Variants in CDH13 observed in about 807,000 individuals in gnomAD.
CDH13 encodes cadherin-13.
A neutral mutation model predicts 63.8 loss-of-function variants in CDH13; 24 were observed. That is an observed-to-expected ratio of 0.38 (90% CI 0.27 to 0.53). The LOEUF is 0.53. Ranked by LOEUF, CDH13 falls within the 20% of genes least tolerant of loss-of-function variation. The pLI is 0.85. For synonymous variants in CDH13, 503 were observed against 355.3 expected (o/e 1.42, Z -4.67); for missense variants, 1,049 against 903.1 (o/e 1.16, Z -2.07).
intron 6 of CDH13, among the ~76,000 whole-genome samples, chr16:83,474,245 A>G (rs1177822261): frequency 6.6e-6 from 1 of 152,128 alleles, no homozygotes; most frequent in African/African-American, 2.4e-5. Context: ...CCTATATTTT[A>G]CCTGCATCTT....
chr16:83,134,337 C>T (rs1288772496), intron 4 of CDH13, among the ~76,000 whole-genome samples: 1 of 152,104 alleles, frequency 6.6e-6, no homozygotes, highest in African/African-American at 2.4e-5. Context: ...TTACAGGCGC[C>T]CGCCACCATG....
At chr16:82,865,623 T>C (rs998374633) in intron 2 of CDH13, among the ~76,000 whole-genome samples, 1 of 152,146 alleles carries the variant, frequency 6.6e-6, no homozygotes, top group Admixed American at 6.5e-5. Context: ...CATGAGACCA[T>C]TTTTTCCTCC....
chr16:83,471,204 A>G (rs549380650), intron 6 of CDH13, among the ~76,000 whole-genome samples: 154 of 151,408 alleles, frequency 1.0e-3, no homozygotes, highest in Non-Finnish European at 1.6e-3. Flanking sequence ...GTAAGATAAC[A>G]TGGTAAGATA....
At chr16:83,028,150 T>A (rs577276613) in intron 2 of CDH13, among the ~76,000 whole-genome samples, 1 of 152,214 alleles carries the variant, frequency 6.6e-6, no homozygotes, top group Non-Finnish European at 1.5e-5. Flanking sequence ...ATGCTGGCGA[T>A]TGAAGCAGTC....
chr16:83,696,089 C>G (rs1346820861), intron 10 of CDH13, among the ~76,000 whole-genome samples: 1 of 151,918 alleles, frequency 6.6e-6, no homozygotes, highest in African/African-American at 2.4e-5. Flanking sequence ...TGGGGTTTCG[C>G]CATGTTGCCC....
chr16:83,788,716 C>G (rs887661640), intron 13 of CDH13, among the ~76,000 whole-genome samples: 1 of 152,202 alleles, frequency 6.6e-6, no homozygotes, highest in Non-Finnish European at 1.5e-5. Context: ...CACAGGTACA[C>G]TAGCTGTGAA....
At chr16:82,724,416 C>G (rs1261635249) in intron 1 of CDH13, among the ~76,000 whole-genome samples, 1 of 152,084 alleles carries the variant, frequency 6.6e-6, no homozygotes, top group Non-Finnish European at 1.5e-5. Flanking sequence ...AATGACAGTC[C>G]TACAAGGCAG....
intron 2 of CDH13, among the ~76,000 whole-genome samples, chr16:82,926,297 G>GA (rs1173408129): frequency 2.2e-4 from 32 of 145,658 alleles, no homozygotes; most frequent in African/African-American, 7.0e-4. Flanking sequence ...AAAAAAAAAA[G>GA]AAAAAAAAAG....
At chr16:82,766,416 T>C (rs1459434716) in intron 1 of CDH13, among the ~76,000 whole-genome samples, 3 of 152,214 alleles carry the variant, frequency 2.0e-5, no homozygotes, top group Non-Finnish European at 2.9e-5. Context: ...TTGCCAAGGA[T>C]AACTGTAGAG....
rs188290861 is a variant in CDH13, at chr16:82,711,170, G to A, written c.45+84033G>A. Reference sequence around the variant, plus strand: ...AAAGGGCCGCGTGGCAGTGACCGCAGTGTGGAGGTTCTAATAATGACTATG... The same window carrying A: ...AAAGGGCCGCGTGGCAGTGACCGCAATGTGGAGGTTCTAATAATGACTATG... On this transcript the variant is annotated intron_variant, in intron 1 of 13. Transcript: ENST00000567109. Among the ~76,000 whole-genome samples the A allele has an allele frequency of 1.6e-3, 239 of 152,274 alleles. 1 individual carries two copies. Among genetic ancestry groups the A allele is most frequent in the African/African-American group, 5.4e-3 (223 of 41,558 alleles).
chr16:82,882,548 A>C (rs1238068716), intron 2 of CDH13, among the ~76,000 whole-genome samples: 1 of 152,098 alleles, frequency 6.6e-6, no homozygotes, highest in Non-Finnish European at 1.5e-5. Context: ...GTGTTCCTTC[A>C]TTTCTTAACC....
intron 8 of CDH13, among the ~76,000 whole-genome samples, chr16:83,644,662 G>A (rs1194417156): frequency 6.6e-6 from 1 of 152,206 alleles, no homozygotes; most frequent in East Asian, 1.9e-4. Flanking sequence ...CCATACAGAG[G>A]ATGAGGTTCA....
At chr16:82,837,846 G>A (rs990774085) in intron 1 of CDH13, among the ~76,000 whole-genome samples, 2 of 152,180 alleles carry the variant, frequency 1.3e-5, no homozygotes, top group Non-Finnish European at 2.9e-5. Context: ...GAGGCACTTG[G>A]AGCCACTCTT....
intron 2 of CDH13, among the ~76,000 whole-genome samples, chr16:83,023,385 A>G (rs901833154): frequency 6.6e-6 from 1 of 152,078 alleles, no homozygotes; most frequent in African/African-American, 2.4e-5. Flanking sequence ...ATAAATCTCC[A>G]TGTACAGTAT....
At chr16:82,697,930 G>A (rs1449439066) in intron 1 of CDH13, among the ~76,000 whole-genome samples, 1 of 152,144 alleles carries the variant, frequency 6.6e-6, no homozygotes, top group Non-Finnish European at 1.5e-5. Context: ...TGGTGAGGAG[G>A]AAACAAAGAC....
chr16:83,563,470 A>G (rs2075742453), intron 7 of CDH13, among the ~76,000 whole-genome samples: 2 of 152,340 alleles, frequency 1.3e-5, no homozygotes, highest in Non-Finnish European at 1.5e-5. Flanking sequence ...GAGCAAATGC[A>G]TTAATTTGGT....
intron 2 of CDH13, among the ~76,000 whole-genome samples, chr16:82,892,778 T>C (rs968143457): frequency 2.0e-5 from 3 of 152,242 alleles, no homozygotes; most frequent in African/African-American, 7.2e-5. Flanking sequence ...TTTTTCAAAT[T>C]ACTAAAAGCA....
intron 1 of CDH13, among the ~76,000 whole-genome samples, chr16:82,732,225 G>A (rs986498433): frequency 1.1e-4 from 17 of 152,124 alleles, no homozygotes; most frequent in African/African-American, 3.4e-4. Flanking sequence ...GGAGTCTTAC[G>A]CAGTTTGTTG....
intron 1 of CDH13, among the ~76,000 whole-genome samples, chr16:82,674,319 C>T (rs1913642474): frequency 6.6e-6 from 1 of 152,150 alleles, no homozygotes; most frequent in African/African-American, 2.4e-5. Context: ...TCAGGTCAGA[C>T]TAGAGATTGT....
Sources: allele counts gnomAD v4.1 joint callset (sites outside exome capture counted in the v4.1 genomes callset), GRCh38; gene constraint gnomAD v4.1.1; transcripts MANE v1.5; gene names NCBI Gene and HGNC (gene_info 2026-07-23, HGNC 2026-07-21).